The following WFDC2 variants were observed in gnomAD, a reference collection of about 807,000 sequenced individuals.
WFDC2 encodes the protein WAP four-disulfide core domain protein 2.
WFDC2 carries 8 observed loss-of-function variants against 12.5 expected under a neutral mutation model. The ratio of observed to expected loss-of-function variants is 0.64; its 90% CI spans 0.37 to 1.15. WFDC2 has a LOEUF of 1.15. Among genes scored for constraint, WFDC2 ranks in the 50% most tolerant of loss-of-function variants. The pLI is 0.01. For missense variants in WFDC2, 166 were observed against 159.9 expected, an observed-to-expected ratio of 1.04 and a Z score of -0.21; for synonymous variants, 74 against 67.2, an observed-to-expected ratio of 1.10 and a Z score of -0.49.
chr20:45,481,142 G>T (rs1465679753), intron 3 of WFDC2, among the ~76,000 whole-genome samples: 3 of 151,980 alleles, frequency 2.0e-5, no homozygotes, highest in East Asian at 3.9e-4. Flanking sequence ...GCTAGGGATG[G>T]TCTGACCACA....
In WFDC2 at chr20:45,470,394, G is replaced by A; in HGVS notation, c.85G>A (p.Gly29Arg). ...LFGFTLVSGT[G>R]AEKTGVCPEL... The stretch of plus-strand genomic sequence containing the variant: ...TCCCGGGCCTCCCCTCCCAGGCACA[G>A]GAGCAGAGAAGACTGGCGTGTGCCC... The change falls in exon 2 of 4, where the codon GGA becomes AGA. Residue 29 changes from glycine to arginine, a missense_variant. Physicochemically the swap from Gly to Arg is moderately radical, Grantham distance 125. Coordinates refer to ENST00000372676, the MANE Select transcript of WFDC2 (RefSeq NM_006103.4). The surrounding 1 kb of genome is among the most constrained non-coding windows in gnomAD (Gnocchi z 5.4). 6.3e-7 allele frequency: 1 copy of A among 1,586,384 alleles called. No homozygotes were observed. The highest frequency in any genetic ancestry group is 8.6e-7 in the Non-Finnish European group (1 of 1,165,522).
At chr20:45,473,594 T>G (rs1287819827) in intron 2 of WFDC2, among the ~76,000 whole-genome samples, 1 of 152,240 alleles carries the variant, frequency 6.6e-6, no homozygotes, top group African/African-American at 2.4e-5. Flanking sequence ...AGCCTTGTAG[T>G]ATAGCTTGAA....
chr20:45,469,854 G>C lies in WFDC2; in HGVS notation c.73G>C (p.Val25Leu), dbSNP rs1256811585. 8 of 1,608,766 alleles carry C rather than the reference G, an allele frequency of 5.0e-6. No homozygotes were observed. Among genetic ancestry groups the C allele is most frequent in the Non-Finnish European group, 6.8e-6 (8 of 1,178,122 alleles). Residue 25 changes from valine to leucine, a missense_variant, in exon 1 of 4, where the codon GTC (valine) becomes CTC (leucine). By Grantham distance (32) the Val-to-Leu change is conservative. Transcript: ENST00000372676. ...CCTGCTGCTGTTCGGCTTCACCCTA[G>C]TCTCAGGTGAGTGGGGCGGGGAGAG... ...LSLLLFGFTLVSGTGAEKTGV... is the reference protein window; with the variant it reads ...LSLLLFGFTLLSGTGAEKTGV...
At chr20:45,471,957 A>C (rs1991177922) in intron 2 of WFDC2, among the ~76,000 whole-genome samples, 1 of 152,140 alleles carries the variant, frequency 6.6e-6, no homozygotes. Flanking sequence ...ATGCATCTAA[A>C]GTGTCTATTA....
chr20:45,470,123 C>T lies in WFDC2; in HGVS notation c.79+263C>T, dbSNP rs1317958243. Among the ~76,000 whole-genome samples, 2 of 152,110 alleles carry T rather than the reference C, an allele frequency of 1.3e-5. No individual in the cohort carries two copies. The highest frequency in any genetic ancestry group is 6.5e-5 in the Admixed American group (1 of 15,274). On this transcript the variant is annotated intron_variant, in intron 1 of 3. Coordinates refer to ENST00000372676, the MANE Select transcript of WFDC2 (RefSeq NM_006103.4). This position sits in a 1 kb window ranked among gnomAD's most constrained non-coding sequence, Gnocchi z 5.4. ...GCTGGGGGTGGGGGCTGCTCTGCCT[C>T]GACCTCGGAAGCTCCGAGACGCTCA...
intron 2 of WFDC2, chr20:45,479,719 T>G (rs1433769127): frequency 6.2e-7 from 1 of 1,613,928 alleles, no homozygotes; most frequent in Non-Finnish European, 8.5e-7. Context: ...CACTTGGGAC[T>G]CAAGCTGAGG....
rs1991163350 is a variant in WFDC2 at position 45,470,885 on chromosome 20, G to A, written c.223+353G>A. 1.3e-5 allele frequency among the ~76,000 whole-genome samples: 2 copies of A among 152,124 alleles called. No individual in the cohort carries two copies. The highest frequency in any genetic ancestry group is 2.9e-5 in the Non-Finnish European group (2 of 67,992). On this transcript the variant is annotated intron_variant, in intron 2 of 3. Transcript: ENST00000372676. The surrounding 1 kb of genome is among the most constrained non-coding windows in gnomAD (Gnocchi z 5.4). ...GAAGCCTGCCCTGCGGGAAAGCCCG[G>A]AGCCTGGGGCGCTCACCTCTCCTCT...
chr20:45,470,301 T>C lies in WFDC2; in HGVS notation c.80-88T>C. The C allele has an allele frequency of 6.8e-7, 1 of 1,472,166 alleles. No homozygotes were observed. The highest frequency in any genetic ancestry group is 9.0e-7 in the Non-Finnish European group (1 of 1,106,974). 91.2% of individuals were successfully genotyped at this position (1,472,166 alleles called of 1,614,324 possible). On this transcript the variant is annotated intron_variant, in intron 1 of 3. Transcript: ENST00000372676. This position sits in a 1 kb window ranked among gnomAD's most constrained non-coding sequence, Gnocchi z 5.4. Reference sequence around the variant, plus strand: ...CCTAGGGCCAGAGACTGAGAATTCCTTGGGGTTAAGGTTTGGAGCAGGAGG... The same window carrying C: ...CCTAGGGCCAGAGACTGAGAATTCCCTGGGGTTAAGGTTTGGAGCAGGAGG...
rs77220481 is a variant in WFDC2, at chr20:45,479,751, C to T, written c.224-191C>T. 7.3e-4 allele frequency: 1,176 copies of T among 1,613,914 alleles called. 10 individuals are homozygous for T. The African/African-American group carries it at 0.014, about 20-fold the overall frequency. ...GAGGTCCTGTGATTCCATTTGGGAG[C>T]AGGAGGAGGGATTTGCAGGTGATCT... On this transcript the variant is annotated intron_variant, in intron 2 of 3. Coordinates refer to ENST00000372676, the MANE Select transcript of WFDC2 (RefSeq NM_006103.4).
chr20:45,471,024 G>C, intron 2 of WFDC2: 1 of 411,920 alleles, frequency 2.4e-6, no homozygotes, highest in Non-Finnish European at 5.1e-6. Flanking sequence ...TACAGATTTA[G>C]GAAAATGCCC....
intron 2 of WFDC2, among the ~76,000 whole-genome samples, chr20:45,475,932 C>A (rs1261565292): frequency 2.6e-5 from 4 of 152,090 alleles, no homozygotes; most frequent in Admixed American, 2.6e-4. Context: ...TTGTGTAATG[C>A]CCTTCTTTGT....
chr20:45,479,725 T>G (rs2145507380), intron 2 of WFDC2: 1 of 1,614,018 alleles, frequency 6.2e-7, no homozygotes, highest in East Asian at 2.2e-5. Context: ...GGACTCAAGC[T>G]GAGGTCCTGT....
intron 2 of WFDC2, chr20:45,479,640 A>T (rs1031876535): frequency 6.3e-7 from 1 of 1,591,654 alleles, no homozygotes; most frequent in African/African-American, 1.3e-5. Flanking sequence ...TGTTGTAATT[A>T]GCACTGTTCC....
chr20:45,474,713 T>C (rs1991212062), intron 2 of WFDC2, among the ~76,000 whole-genome samples: 1 of 152,242 alleles, frequency 6.6e-6, no homozygotes, highest in South Asian at 2.1e-4. Context: ...GAGGAGGCTC[T>C]CTTTTTCTAT....
chr20:45,473,400 T>C (rs1991196490), intron 2 of WFDC2, among the ~76,000 whole-genome samples: 1 of 152,240 alleles, frequency 6.6e-6, no homozygotes, highest in South Asian at 2.1e-4. Context: ...TTTCTGCATA[T>C]GGCTAGCCAG....
chr20:45,470,663 AC>A lies in WFDC2; in HGVS notation c.223+133del. ...CCCCGGGAAAGTCAAGGCGGTTGAA[AC>A]CAGATCCGTCAGTCCTCTCCCTCGC... On this transcript the variant is annotated intron_variant, in intron 2 of 3. Coordinates refer to ENST00000372676, the MANE Select transcript of WFDC2 (RefSeq NM_006103.4). This position sits in a 1 kb window ranked among gnomAD's most constrained non-coding sequence, Gnocchi z 5.4. 1 of 1,293,808 alleles carries A rather than the reference AC, an allele frequency of 7.7e-7. No homozygotes were observed. Among genetic ancestry groups the A allele is most frequent in the Non-Finnish European group, 1.0e-6 (1 of 968,186 alleles). The allele number at this position is 1,293,808 out of a possible 1,614,324, so 80.1% of individuals were successfully genotyped here. A position where few individuals can be genotyped will look rare whatever the true frequency, so the allele number is the denominator to read the frequency against.
At chr20:45,473,699 G>A (rs963273269) in intron 2 of WFDC2, among the ~76,000 whole-genome samples, 5 of 152,134 alleles carry the variant, frequency 3.3e-5, no homozygotes, top group East Asian at 3.8e-4. Flanking sequence ...ATTTAAAGTC[G>A]TTTTTTCTAA....
chr20:45,473,974 GCTCT>G (rs1208918438), intron 2 of WFDC2, among the ~76,000 whole-genome samples: 1 of 151,902 alleles, frequency 6.6e-6, no homozygotes, highest in Non-Finnish European at 1.5e-5. Context: ...TCATGATTTG[GCTCT>G]CTGTCTATTA....
chr20:45,479,606 C>T (rs1463417830), intron 2 of WFDC2: 1 of 1,436,136 alleles, frequency 7.0e-7, no homozygotes, highest in Non-Finnish European at 9.8e-7. Flanking sequence ...ATGTTTGTTT[C>T]CCACTGCTTT....
Sources: gnomAD v4.1 joint callset for allele counts (sites outside exome capture counted in the v4.1 genomes callset) on GRCh38, gnomAD v4.1.1 for gene constraint, Gnocchi (gnomAD v3.1) non-coding constraint, MANE v1.5 for transcripts, NCBI Gene and HGNC (gene_info 2026-07-23, HGNC 2026-07-21) for gene names.